SPANXN3: variants seen among roughly 807,000 people sequenced by gnomAD.
SPANXN3 encodes SPANX family member N3.
A neutral mutation model predicts 1.9 loss-of-function variants in SPANXN3; 1 was observed. The observed-to-expected ratio is 0.54, with a 90% CI of 0.19 to 2.54. The LOEUF (loss-of-function observed/expected upper bound fraction) is 2.54. SPANXN3 is among the 30% of genes most tolerant of loss of function. The pLI is 0.24. For missense variants in SPANXN3, 113 were observed against 96.2 expected (o/e 1.17, Z -0.73); for synonymous variants, 47 against 40.0 (o/e 1.17, Z -0.66).
At chrX:143,510,001 A>T (rs149392109) in intron 1 of SPANXN3, 139 of 111,650 alleles carry the variant, frequency 1.2e-3, no homozygotes, top group African/African-American at 4.5e-3. Context: ...GCCTACTTCC[A>T]GATCCTGAGT....
intron 1 of SPANXN3, among the ~76,000 whole-genome samples, chrX:143,510,825 G>A (rs1385635700): frequency 5.5e-5 from 6 of 108,887 alleles, no homozygotes; most frequent in African/African-American, 1.7e-4. Flanking sequence ...CTTCTCCTTC[G>A]GATCCGGCTC....
rs376882141 is a variant in SPANXN3 at position 143,508,971 on chromosome X, G to A, written c.270C>T (p.Asp90=). The A allele has an allele frequency of 6.6e-6, 8 of 1,212,064 alleles. No homozygotes were observed. Among genetic ancestry groups the A allele is most frequent in the Non-Finnish European group, 8.9e-6 (8 of 895,591 alleles). The change falls in exon 2 of 2, where the codon GAC becomes GAT. Residue 90 remains aspartate (D), a synonymous_variant. Coordinates refer to ENST00000370503, the MANE Select transcript of SPANXN3 (RefSeq NM_001009609.4). ...CCTCATTTGAAGATCCTTCAGATAA[G>A]TCTACGCCTTCGTCCTCCTCCTTTT... ...PIQKEEDEGV[D]LSEGSSNEDE...
chrX:143,515,165 TC>T (rs1382939424), intron 1 of SPANXN3, among the ~76,000 whole-genome samples: 2 of 110,212 alleles, frequency 1.8e-5, no homozygotes, highest in African/African-American at 6.6e-5. Flanking sequence ...CTCCTCCTCC[TC>T]CCCTTTCCAA....
At chrX:143,513,240 T>C (rs1167761396) in intron 1 of SPANXN3, among the ~76,000 whole-genome samples, 3 of 111,736 alleles carry the variant, frequency 2.7e-5, no homozygotes, top group African/African-American at 9.8e-5. Context: ...ACTTAAAAAC[T>C]TAAAAATGCC....
In SPANXN3 at chrX:143,508,994, T is replaced by C; in HGVS notation, c.247A>G (p.Lys83Glu). ...SQENSINPIQ[K>E]EEDEGVDLSE... ...AAGTCTACGCCTTCGTCCTCCTCCT[T>C]TTGGATTGGATTGATGGAGTTCTCT... is the stretch of plus-strand genomic sequence containing the variant. Residue 83 changes from lysine to glutamate, a missense_variant, in exon 2 of 2, where the codon AAG (lysine) becomes GAG (glutamate). By Grantham distance (56) the Lys-to-Glu change is moderately conservative. Coordinates refer to ENST00000370503, the MANE Select transcript of SPANXN3 (RefSeq NM_001009609.4). The C allele has an allele frequency of 1.7e-6, 2 of 1,211,979 alleles. No homozygotes were observed. The highest frequency in any genetic ancestry group is 2.2e-6 in the Non-Finnish European group (2 of 895,547).
Position 143,508,925 on chromosome X carries a change from C to T in SPANXN3, c.316G>A (p.Glu106Lys). The change falls in exon 2 of 2, where the codon GAA becomes AAA. Residue 106 changes from glutamate (E) to lysine (K), a missense_variant. Transcript: ENST00000370503. Reference sequence around the variant, plus strand: ...TCTTTGTCCTCCTTTGAAGGTCCTTCACATGGGCCTAGGTCTTCATCCTCA... The same window carrying T: ...TCTTTGTCCTCCTTTGAAGGTCCTTTACATGGGCCTAGGTCTTCATCCTCA... ...SNEDEDLGPC[E>K]GPSKEDKDLD... The T allele has an allele frequency of 8.3e-7, 1 of 1,211,654 alleles. No individual in the cohort carries two copies. Among genetic ancestry groups the T allele is most frequent in the Non-Finnish European group, 1.1e-6 (1 of 895,370 alleles).
chrX:143,511,982 T>C (rs1268332521), intron 1 of SPANXN3, among the ~76,000 whole-genome samples: 1 of 111,487 alleles, frequency 9.0e-6, no homozygotes, highest in East Asian at 2.8e-4. Flanking sequence ...TTTACCAGAA[T>C]ATTCTAGACC....
chrX:143,509,226 T>C, intron 1 of SPANXN3, 64 bp from the exon 2 acceptor site: 3 of 938,204 alleles, frequency 3.2e-6, no homozygotes, highest in East Asian at 3.1e-5. Flanking sequence ...AGAGACTAGA[T>C]AGCAAGGGGG....
At position 143,509,137 on chromosome X, in the gene SPANXN3, A is replaced by G; in HGVS notation, c.104T>C (p.Leu35Ser). 1 of 1,209,806 alleles carries G rather than the reference A, an allele frequency of 8.3e-7. No individual in the cohort carries two copies. Among genetic ancestry groups the G allele is most frequent in the African/African-American group, 1.7e-5 (1 of 57,744 alleles). The change falls in exon 2 of 2, where the codon TTA becomes TCA. Residue 35 changes from leucine (L) to serine (S), a missense_variant. Coordinates refer to ENST00000370503, the MANE Select transcript of SPANXN3 (RefSeq NM_001009609.4). ...GTTCTTCAAACTCTGTTCGGGGGCT[A>G]AGACTCTGTTTGGTACCTCTTGCAT... ...DEMQEVPNRV[L>S]APEQSLKNTK... is the part of the protein sequence containing the mutation.
Position 143,517,301 on chromosome X carries a change from C to G in SPANXN3, c.78+13G>C. ...TTCACCCTCACCTTCCCTTCAAAAC[C>G]TGACAATCTTACCTCATCATTTTTT... is the stretch of plus-strand genomic sequence containing the variant. On this transcript the variant is annotated intron_variant, in intron 1 of 1. Transcript: ENST00000370503. The G allele has an allele frequency of 8.3e-7, 1 of 1,209,029 alleles. No individual in the cohort carries two copies. The highest frequency in any genetic ancestry group is 1.1e-6 in the Non-Finnish European group (1 of 893,737).
chrX:143,513,761 G>A (rs1209294144), intron 1 of SPANXN3, among the ~76,000 whole-genome samples: 1 of 111,701 alleles, frequency 9.0e-6, no homozygotes, highest in African/African-American at 3.3e-5. Context: ...CCCTTTGCAG[G>A]GAACACATAC....
At chrX:143,512,316 A>G (rs1218474386) in intron 1 of SPANXN3, among the ~76,000 whole-genome samples, 10 of 111,808 alleles carry the variant, frequency 8.9e-5, no homozygotes, top group African/African-American at 3.3e-4. Flanking sequence ...ATAGCCACAC[A>G]TCACATCCCA....
At chrX:143,515,709 T>C (rs1556412377) in intron 1 of SPANXN3, among the ~76,000 whole-genome samples, 1 of 110,982 alleles carries the variant, frequency 9.0e-6, no homozygotes, top group East Asian at 2.9e-4. Context: ...AACTTGTTTG[T>C]CCACACAAAT....
chrX:143,508,786 T>G lies in SPANXN3; in HGVS notation c.*29A>C. The G allele has an allele frequency of 8.9e-7, 1 of 1,123,016 alleles. No individual in the cohort carries two copies. The highest frequency in any genetic ancestry group is 1.2e-6 in the Non-Finnish European group (1 of 822,820). 92.5% of individuals were successfully genotyped at this position (1,123,016 alleles called of 1,213,427 possible). ...TAATCATCGCCATCAGTGGTGATGA[T>G]TTGTCCAATTTGGTTTCTCCATGTG... On this transcript the variant is annotated 3_prime_UTR_variant, in exon 2 of 2. Transcript: ENST00000370503.
intron 1 of SPANXN3, chrX:143,509,473 G>A (rs1239796506): frequency 7.9e-6 from 2 of 253,123 alleles, no homozygotes; most frequent in South Asian, 2.3e-4. Context: ...ACCACAAGGT[G>A]GACAAAGGCT....
intron 1 of SPANXN3, among the ~76,000 whole-genome samples, chrX:143,514,633 C>CCCA (rs1218135548): frequency 9.0e-6 from 1 of 111,103 alleles, no homozygotes; most frequent in Non-Finnish European, 1.9e-5. Flanking sequence ...AAAAGCTTTT[C>CCCA]CCACCACCAC....
chrX:143,513,028 C>T (rs1257407651), intron 1 of SPANXN3, among the ~76,000 whole-genome samples: 4 of 111,740 alleles, frequency 3.6e-5, no homozygotes, highest in African/African-American at 1.3e-4. Flanking sequence ...CCCTAATTCT[C>T]GAGCCATCCC....
intron 1 of SPANXN3, among the ~76,000 whole-genome samples, chrX:143,512,476 T>C (rs1380964089): frequency 9.0e-6 from 1 of 111,595 alleles, no homozygotes; most frequent in African/African-American, 3.3e-5. Flanking sequence ...AGAACACCCC[T>C]ATTCTGGCTT....
chrX:143,509,064 C>T lies in SPANXN3; in HGVS notation c.177G>A (p.Lys59=). Residue 59 remains lysine, a synonymous_variant, in exon 2 of 2, where the codon AAG becomes AAA. Coordinates refer to ENST00000370503, the MANE Select transcript of SPANXN3 (RefSeq NM_001009609.4). ...YPIIFVYYLR[K]GKKINSNQLE... is the part of the protein sequence containing the mutation. ...GTTGATTTGAATTTATTTTCTTACC[C>T]TTCCTGAGGTAATACACAAATATTA... is the stretch of plus-strand genomic sequence containing the variant. The T allele has an allele frequency of 8.3e-7, 1 of 1,211,296 alleles. No individual in the cohort carries two copies. The highest frequency in any genetic ancestry group is 1.1e-6 in the Non-Finnish European group (1 of 894,942).
Sources: allele counts gnomAD v4.1 joint callset (sites outside exome capture counted in the v4.1 genomes callset), GRCh38; gene constraint gnomAD v4.1.1; transcripts MANE v1.5; gene names NCBI Gene and HGNC (gene_info 2026-07-23, HGNC 2026-07-21).